FGF14: variants seen among roughly 807,000 people sequenced by gnomAD.
FGF14 encodes fibroblast growth factor 14.
FGF14 carries 5 observed loss-of-function variants against 25.5 expected under a neutral mutation model. The ratio of observed to expected loss-of-function variants is 0.20; its 90% CI spans 0.10 to 0.41. FGF14 has a LOEUF of 0.41. FGF14 is among the 10% of genes least tolerant of loss of function. The pLI is 1.00. For missense variants in FGF14, 222 were observed against 320.1 expected, an observed-to-expected ratio of 0.69 and a Z score of 2.34; for synonymous variants, 138 against 118.3, an observed-to-expected ratio of 1.17 and a Z score of -1.08.
intron 1 of FGF14, among the ~76,000 whole-genome samples, chr13:101,991,822 A>G (rs1298597393): frequency 6.6e-6 from 1 of 152,016 alleles, no homozygotes; most frequent in East Asian, 1.9e-4. Context: ...AGAAGCCCAC[A>G]CTTTCTTAAA....
intron 1 of FGF14, among the ~76,000 whole-genome samples, chr13:102,230,813 G>T (rs768098290): frequency 1.3e-5 from 2 of 152,118 alleles, no homozygotes; most frequent in Admixed American, 6.5e-5. Context: ...GGAAAAAAAT[G>T]CAATAATATT....
intron 1 of FGF14, among the ~76,000 whole-genome samples, chr13:102,027,499 C>T (rs1270321015): frequency 3.9e-5 from 6 of 152,032 alleles, no homozygotes; most frequent in Non-Finnish European, 7.4e-5. Flanking sequence ...CGATATTTTA[C>T]ACACCATGTT....
chr13:101,874,543 C>T (rs368634741), intron 2 of FGF14, among the ~76,000 whole-genome samples: 3 of 151,854 alleles, frequency 2.0e-5, no homozygotes, highest in Non-Finnish European at 4.4e-5. Flanking sequence ...AGGCACCAGA[C>T]GGAGAAATGT....
chr13:101,976,984 T>C (rs2037967180), intron 1 of FGF14, among the ~76,000 whole-genome samples: 2 of 152,210 alleles, frequency 1.3e-5, no homozygotes, highest in African/African-American at 4.8e-5. Flanking sequence ...TTACATTCCA[T>C]ATATATTATT....
intron 1 of FGF14, among the ~76,000 whole-genome samples, chr13:102,233,161 T>G (rs1403405302): frequency 6.6e-6 from 1 of 152,022 alleles, no homozygotes; most frequent in Non-Finnish European, 1.5e-5. Context: ...TGAGACAGAG[T>G]CTCACTCTTG....
chr13:102,360,205 T>C (rs1040234651), intron 1 of FGF14, among the ~76,000 whole-genome samples: 1 of 152,196 alleles, frequency 6.6e-6, no homozygotes. Flanking sequence ...AAATCCTCAT[T>C]TGAAGAAGGA....
intron 1 of FGF14, among the ~76,000 whole-genome samples, chr13:102,196,715 A>G (rs2049369422): frequency 6.6e-6 from 1 of 152,170 alleles, no homozygotes; most frequent in Non-Finnish European, 1.5e-5. Flanking sequence ...CCTTTTAGCA[A>G]TTTTGAAATA....
chr13:101,987,111 T>G (rs2038629131), intron 1 of FGF14, among the ~76,000 whole-genome samples: 1 of 152,056 alleles, frequency 6.6e-6, no homozygotes, highest in Non-Finnish European at 1.5e-5. Context: ...TTGCCCTTAT[T>G]CCACTCTTTC....
At chr13:101,831,535 G>C (rs2042671267) in intron 3 of FGF14, among the ~76,000 whole-genome samples, 1 of 152,102 alleles carries the variant, frequency 6.6e-6, no homozygotes, top group African/African-American at 2.4e-5. Context: ...CATTCAGGAA[G>C]ATTCTGTAGC....
chr13:102,264,627 T>A (rs2052893556), intron 1 of FGF14, among the ~76,000 whole-genome samples: 1 of 146,464 alleles, frequency 6.8e-6, no homozygotes, highest in African/African-American at 2.5e-5. Flanking sequence ...TCTTTACAGG[T>A]TGTACAGAAA....
At chr13:101,739,517 C>A (rs2036406306) in intron 3 of FGF14, among the ~76,000 whole-genome samples, 1 of 152,118 alleles carries the variant, frequency 6.6e-6, no homozygotes, top group Non-Finnish European at 1.5e-5. Flanking sequence ...GAATTCTGAA[C>A]TGAGATCTGA....
intron 3 of FGF14, among the ~76,000 whole-genome samples, chr13:101,806,572 G>C (rs944761235): frequency 6.6e-6 from 1 of 151,790 alleles, no homozygotes; most frequent in Non-Finnish European, 1.5e-5. Context: ...TTTGATAAAT[G>C]TAAGAGTCAA....
At chr13:102,128,350 TAAG>T (rs2046037661) in intron 1 of FGF14, among the ~76,000 whole-genome samples, 1 of 148,744 alleles carries the variant, frequency 6.7e-6, no homozygotes, top group Admixed American at 6.7e-5. Context: ...CCAGCCCCAG[TAAG>T]AAGGTGGACA....
chr13:101,748,262 T>C (rs995498424), intron 3 of FGF14, among the ~76,000 whole-genome samples: 3 of 151,836 alleles, frequency 2.0e-5, no homozygotes, highest in Non-Finnish European at 4.4e-5. Context: ...ATGTTACATA[T>C]ATATGTATCA....
At chr13:101,851,680 C>A (rs1327354268) in intron 3 of FGF14, among the ~76,000 whole-genome samples, 2 of 152,066 alleles carry the variant, frequency 1.3e-5, no homozygotes, top group Admixed American at 1.3e-4. Context: ...TCCTCCTCCT[C>A]GTCGTCTTCA....
intron 1 of FGF14, among the ~76,000 whole-genome samples, chr13:102,050,172 T>C (rs973396436): frequency 6.6e-6 from 1 of 152,196 alleles, no homozygotes; most frequent in Non-Finnish European, 1.5e-5. Context: ...ATGATTCAAA[T>C]GTGTTAAGAG....
chr13:101,765,523 T>C (rs2038324407), intron 3 of FGF14, among the ~76,000 whole-genome samples: 1 of 152,256 alleles, frequency 6.6e-6, no homozygotes, highest in East Asian at 1.9e-4. Flanking sequence ...GCAGGTGAAC[T>C]GATTGCTTAG....
chr13:101,805,106 T>C (rs989882550), intron 3 of FGF14, among the ~76,000 whole-genome samples: 2 of 152,306 alleles, frequency 1.3e-5, no homozygotes, highest in East Asian at 3.9e-4. Flanking sequence ...GGTGATATTA[T>C]CTATGAATTT....
At chr13:101,965,097 A>T (rs913524430) in intron 1 of FGF14, among the ~76,000 whole-genome samples, 3 of 152,096 alleles carry the variant, frequency 2.0e-5, no homozygotes, top group Non-Finnish European at 2.9e-5. Flanking sequence ...ACAGAAAAAA[A>T]AATTAGCTGG....
Sources: gnomAD v4.1 joint callset for allele counts (sites outside exome capture counted in the v4.1 genomes callset) on GRCh38, gnomAD v4.1.1 for gene constraint, MANE v1.5 for transcripts, NCBI Gene and HGNC (gene_info 2026-07-23, HGNC 2026-07-21) for gene names.